The following FHIT variants were observed in gnomAD, a reference collection of about 807,000 sequenced individuals.
FHIT encodes bis(5'-adenosyl)-triphosphatase.
In FHIT, 19 loss-of-function variants were observed where a neutral mutation model predicts 17.9. The ratio of observed to expected loss-of-function variants is 1.06; its 90% CI spans 0.74 to 1.56. The LOEUF (loss-of-function observed/expected upper bound fraction) is 1.56. Ranked by LOEUF, FHIT falls within the 40% of genes most tolerant of loss-of-function variation. The probability of loss-of-function intolerance (pLI) is 0.00; values close to 1 mark genes in which losing one functional copy is unlikely to be tolerated. For synonymous variants in FHIT, 81 were observed against 69.7 expected (o/e 1.16, Z -0.81); for missense variants, 248 against 189.2 (o/e 1.31, Z -1.82).
intron 2 of FHIT, among the ~76,000 whole-genome samples, chr3:61,102,516 T>C (rs1261528576): frequency 6.6e-6 from 1 of 152,188 alleles, no homozygotes; most frequent in Non-Finnish European, 1.5e-5. Context: ...TAAAATTCTC[T>C]TTTTTTGTTG....
intron 8 of FHIT, among the ~76,000 whole-genome samples, chr3:59,833,593 T>C (rs181771734): frequency 1.4e-3 from 211 of 152,308 alleles, no homozygotes; most frequent in African/African-American, 4.8e-3. Context: ...ACCTAGTTTG[T>C]AATATTTTGT....
intron 8 of FHIT, among the ~76,000 whole-genome samples, chr3:59,755,543 C>G (rs1701171283): frequency 6.6e-6 from 1 of 152,218 alleles, no homozygotes; most frequent in African/African-American, 2.4e-5. Context: ...AGGAGTTTCA[C>G]TTCTGATAAG....
At chr3:59,756,205 T>A (rs1423436621) in intron 8 of FHIT, among the ~76,000 whole-genome samples, 1 of 148,338 alleles carries the variant, frequency 6.7e-6, no homozygotes, top group Non-Finnish European at 1.5e-5. Context: ...TCTGTATCTT[T>A]TGGACCTAAC....
At chr3:60,071,156 C>G (rs999209339) in intron 5 of FHIT, among the ~76,000 whole-genome samples, 1 of 152,048 alleles carries the variant, frequency 6.6e-6, no homozygotes, top group Non-Finnish European at 1.5e-5. Context: ...CAGCCACATG[C>G]GGCTCCTGAG....
intron 7 of FHIT, among the ~76,000 whole-genome samples, chr3:60,002,540 T>A (rs1699769928): frequency 2.0e-5 from 3 of 152,198 alleles, no homozygotes; most frequent in Admixed American, 2.0e-4. Context: ...GGGAAAGGAT[T>A]CCTCACCATG....
intron 5 of FHIT, among the ~76,000 whole-genome samples, chr3:60,187,303 C>G (rs58944274): frequency 0.011 from 1,699 of 152,176 alleles, 31 homozygotes; most frequent in African/African-American, 0.04. Flanking sequence ...AGAAAAAAGA[C>G]AAATGAAGTT....
intron 2 of FHIT, among the ~76,000 whole-genome samples, chr3:61,117,445 G>T (rs2036332156): frequency 6.6e-6 from 1 of 152,176 alleles, no homozygotes; most frequent in African/African-American, 2.4e-5. Context: ...TGATTTGGAA[G>T]AGTAAGTACA....
chr3:60,858,744 G>A (rs141877735), intron 3 of FHIT, among the ~76,000 whole-genome samples: 2 of 152,134 alleles, frequency 1.3e-5, no homozygotes, highest in Admixed American at 6.6e-5. Context: ...TTCACTTCAA[G>A]AAGGTCCCAG....
intron 7 of FHIT, among the ~76,000 whole-genome samples, chr3:59,954,582 C>T (rs543954566): frequency 3.9e-4 from 60 of 152,232 alleles, no homozygotes; most frequent in Admixed American, 9.8e-4. Context: ...AGGCTAAGGG[C>T]CCTCCAGGTG....
intron 3 of FHIT, among the ~76,000 whole-genome samples, chr3:60,872,112 G>T (rs1559790846): frequency 6.6e-6 from 1 of 152,108 alleles, no homozygotes; most frequent in Non-Finnish European, 1.5e-5. Context: ...TTTGCCTGCT[G>T]TGTGTCCCTA....
intron 3 of FHIT, among the ~76,000 whole-genome samples, chr3:60,933,310 A>C (rs1708050913): frequency 6.6e-6 from 1 of 152,244 alleles, no homozygotes; most frequent in Non-Finnish European, 1.5e-5. Flanking sequence ...TACGTTTTAA[A>C]AAGTTAAAAG....
In FHIT at chr3:60,734,103, T is replaced by C. The variant is rs571599365; in HGVS notation, c.-18+87816A>G. 3.3e-5 allele frequency among the ~76,000 whole-genome samples: 5 copies of C among 152,312 alleles called. No homozygotes were observed. In the South Asian group the frequency reaches 6.2e-4, roughly 19 times the overall value. ...TCAGCATTGGGACTTCCTTTCAAGA[T>C]GTAAGCAGGGATGGAAAATATACAA... On this transcript the variant is annotated intron_variant, in intron 4 of 9. Transcript: ENST00000492590.
intron 8 of FHIT, among the ~76,000 whole-genome samples, chr3:59,879,907 A>G (rs1703328103): frequency 7.0e-6 from 1 of 142,014 alleles, no homozygotes; most frequent in South Asian, 2.1e-4. Context: ...GGTTTAACCA[A>G]TCATTTCCCC....
At chr3:59,999,379 C>T (rs528843017) in intron 7 of FHIT, among the ~76,000 whole-genome samples, 1 of 152,092 alleles carries the variant, frequency 6.6e-6, no homozygotes, top group South Asian at 2.1e-4. Flanking sequence ...CTAGAGGGAA[C>T]CTATTGGAAG....
chr3:59,791,303 T>C (rs184461251), intron 8 of FHIT, among the ~76,000 whole-genome samples: 18 of 152,238 alleles, frequency 1.2e-4, no homozygotes, highest in Admixed American at 1.1e-3. Flanking sequence ...AAAGTTTTTA[T>C]AGGCATTACT....
intron 4 of FHIT, among the ~76,000 whole-genome samples, chr3:60,718,048 T>C (rs184188906): frequency 5.9e-5 from 9 of 152,358 alleles, no homozygotes; most frequent in African/African-American, 2.2e-4. Flanking sequence ...ATTCTGTCAG[T>C]ATGGTATTGG....
intron 3 of FHIT, among the ~76,000 whole-genome samples, chr3:60,851,579 A>G (rs28548787): frequency 0.62 from 94,948 of 151,930 alleles, 32,589 homozygotes; most frequent in East Asian, 1. Context: ...ATTCTGTGTG[A>G]TTAAATTGGC....
intron 1 of FHIT, among the ~76,000 whole-genome samples, chr3:61,201,729 C>T (rs1382495905): frequency 6.8e-6 from 1 of 146,646 alleles, no homozygotes; most frequent in African/African-American, 2.8e-5. Flanking sequence ...GGGACAGCAT[C>T]AGAAATTTCT....
In FHIT at chr3:60,552,764, G is replaced by A. The variant is rs2036603293; in HGVS notation, c.-17-15785C>T. 2.0e-5 allele frequency among the ~76,000 whole-genome samples: 3 copies of A among 152,186 alleles called. 1 individual carries two copies. The South Asian group carries it at 6.2e-4, about 32-fold the overall frequency. On this transcript the variant is annotated intron_variant, in intron 4 of 9. Transcript: ENST00000492590. ...CACTCTCAATGACATCTGCTTTGTA[G>A]CTGACTCATCCAGTGAGAGAAGGAA... is the stretch of plus-strand genomic sequence containing the variant.
Sources: allele counts gnomAD v4.1 joint callset (sites outside exome capture counted in the v4.1 genomes callset), GRCh38; gene constraint gnomAD v4.1.1; transcripts MANE v1.5; gene names NCBI Gene and HGNC (gene_info 2026-07-23, HGNC 2026-07-21).